Variants in RALYL observed in about 807,000 individuals in gnomAD.
The protein encoded by RALYL is RALY RNA binding protein like.
A neutral mutation model predicts 35.1 loss-of-function variants in RALYL; 29 were observed. That is an observed-to-expected ratio of 0.83 (90% CI 0.61 to 1.13). The LOEUF (loss-of-function observed/expected upper bound fraction) is 1.13. Ranked by LOEUF, RALYL falls within the 50% of genes most tolerant of loss-of-function variation. The pLI is 0.00. For synonymous variants in RALYL, 120 were observed against 127.6 expected, an observed-to-expected ratio of 0.94 and a Z score of 0.40; for missense variants, 359 against 360.4, an observed-to-expected ratio of 1.00 and a Z score of 0.03.
chr8:84,728,763 T>C (rs1315584391), intron 2 of RALYL, among the ~76,000 whole-genome samples: 1 of 152,138 alleles, frequency 6.6e-6, no homozygotes, highest in African/African-American at 2.4e-5. Context: ...TTTCTCAGGT[T>C]TGTCAAAGAT....
intron 1 of RALYL, among the ~76,000 whole-genome samples, chr8:84,466,648 C>G (rs899333660): frequency 6.6e-6 from 1 of 150,992 alleles, no homozygotes; most frequent in Non-Finnish European, 1.5e-5. Context: ...CAGAATGATG[C>G]TGGCCTCATA....
intron 1 of RALYL, among the ~76,000 whole-genome samples, chr8:84,197,554 C>G (rs1209459902): frequency 6.6e-6 from 1 of 152,052 alleles, no homozygotes; most frequent in Non-Finnish European, 1.5e-5. Flanking sequence ...AGGTGTTGTC[C>G]TCCAAACCAT....
rs556645091 is a variant in RALYL at position 84,756,093 on chromosome 8, G to T, written c.257-18486G>T. Among the ~76,000 whole-genome samples the T allele has an allele frequency of 1.6e-3, 248 of 152,064 alleles. 4 individuals are homozygous for T. In the South Asian group the frequency reaches 0.029, roughly 18 times the overall value. On this transcript the variant is annotated intron_variant, in intron 2 of 8. Transcript: ENST00000521268. ...AGATTAGTAATATATCCATAAAGTA[G>T]CAGGGTCATACATTGTCTGTACCAA... is the stretch of plus-strand genomic sequence containing the variant.
At chr8:84,607,102 A>G (rs1168650946) in intron 2 of RALYL, among the ~76,000 whole-genome samples, 1 of 152,084 alleles carries the variant, frequency 6.6e-6, no homozygotes, top group Non-Finnish European at 1.5e-5. Flanking sequence ...TTTTAACTCA[A>G]TAAAACCCAA....
chr8:84,558,534 G>T (rs962577047), intron 2 of RALYL, among the ~76,000 whole-genome samples: 8 of 151,978 alleles, frequency 5.3e-5, no homozygotes, highest in African/African-American at 1.9e-4. Flanking sequence ...AAATTGTTGT[G>T]GAATGATAGT....
At chr8:84,542,404 A>AAT (rs1287448552) in intron 2 of RALYL, among the ~76,000 whole-genome samples, 1 of 152,114 alleles carries the variant, frequency 6.6e-6, no homozygotes, top group East Asian at 1.9e-4. Context: ...TAACCACAAT[A>AAT]TTATTATCTG....
At chr8:84,352,211 G>A (rs996262706) in intron 1 of RALYL, among the ~76,000 whole-genome samples, 2 of 149,958 alleles carry the variant, frequency 1.3e-5, no homozygotes, top group Admixed American at 6.6e-5. Flanking sequence ...TAAATCCATT[G>A]CTAAATCCAG....
chr8:84,913,995 C>A (rs1848008519), intron 8 of RALYL, among the ~76,000 whole-genome samples: 1 of 151,914 alleles, frequency 6.6e-6, no homozygotes, highest in African/African-American at 2.4e-5. Context: ...AATTGTTAAA[C>A]AACCGTGACA....
At chr8:84,848,435 G>GTGTA (rs1554620880) in intron 4 of RALYL, among the ~76,000 whole-genome samples, 1 of 119,532 alleles carries the variant, frequency 8.4e-6, no homozygotes, top group Non-Finnish European at 2.0e-5. Flanking sequence ...ATGTGTGTGT[G>GTGTA]TGTATATATA....
chr8:84,201,205 A>G (rs538660922), intron 1 of RALYL, among the ~76,000 whole-genome samples: 85 of 151,502 alleles, frequency 5.6e-4, no homozygotes, highest in African/African-American at 2.1e-3. Flanking sequence ...GTAAAATAAC[A>G]TGAATAGAAA....
At chr8:84,191,767 T>C (rs1163270090) in intron 1 of RALYL, among the ~76,000 whole-genome samples, 1 of 152,066 alleles carries the variant, frequency 6.6e-6, no homozygotes, top group African/African-American at 2.4e-5. Context: ...TAAATAAATA[T>C]ATAAAAAAGA....
At chr8:84,208,590 G>A (rs1288737930) in intron 1 of RALYL, among the ~76,000 whole-genome samples, 2 of 152,108 alleles carry the variant, frequency 1.3e-5, no homozygotes, top group African/African-American at 4.8e-5. Context: ...TGGCAGGCAG[G>A]TGACCTGCCT....
intron 1 of RALYL, among the ~76,000 whole-genome samples, chr8:84,427,206 A>G (rs564843766): frequency 3.9e-5 from 6 of 152,340 alleles, no homozygotes; most frequent in South Asian, 2.1e-4. Context: ...CCTTGCCACA[A>G]TGGCATGTAC....
chr8:84,361,656 G>T (rs771256732), intron 1 of RALYL, among the ~76,000 whole-genome samples: 2 of 152,124 alleles, frequency 1.3e-5, no homozygotes, highest in African/African-American at 2.4e-5. Flanking sequence ...AGGTCAAGCT[G>T]AGTCATACAC....
rs966042899 is a variant in RALYL, at chr8:84,219,559, C to T, written c.-24+35135C>T. On this transcript the variant is annotated intron_variant, in intron 1 of 8. Coordinates refer to ENST00000521268, the MANE Select transcript of RALYL (RefSeq NM_173848.7). ...CCACTTGCCTTTTTCACTCACACTT[C>T]GTATTAAGTGTAACTTAAAAATAAA... 6.6e-5 allele frequency among the ~76,000 whole-genome samples: 10 copies of T among 151,072 alleles called. No individual in the cohort carries two copies. The East Asian group carries it at 7.7e-4, about 12-fold the overall frequency.
chr8:84,718,358 G>C (rs1030631996), intron 2 of RALYL, among the ~76,000 whole-genome samples: 8 of 152,016 alleles, frequency 5.3e-5, no homozygotes, highest in African/African-American at 1.9e-4. Context: ...TTCTGGGTCA[G>C]TTTCATTATT....
intron 1 of RALYL, among the ~76,000 whole-genome samples, chr8:84,488,464 T>C (rs1280486410): frequency 1.3e-5 from 2 of 152,058 alleles, no homozygotes; most frequent in Non-Finnish European, 2.9e-5. Flanking sequence ...TGTTGCTCCA[T>C]GTTCTGCTGT....
chr8:84,243,247 A>G (rs1263049094), intron 1 of RALYL, among the ~76,000 whole-genome samples: 1 of 152,038 alleles, frequency 6.6e-6, no homozygotes, highest in Non-Finnish European at 1.5e-5. Flanking sequence ...GTTGGGTAGC[A>G]TGATGCCTCC....
intron 1 of RALYL, among the ~76,000 whole-genome samples, chr8:84,398,377 C>G (rs2042554180): frequency 6.6e-6 from 1 of 151,796 alleles, no homozygotes; most frequent in Non-Finnish European, 1.5e-5. Flanking sequence ...AACCACAAAA[C>G]AGTTTTAGAC....
Sources: allele counts gnomAD v4.1 joint callset (sites outside exome capture counted in the v4.1 genomes callset), GRCh38; gene constraint gnomAD v4.1.1; transcripts MANE v1.5; gene names NCBI Gene and HGNC (gene_info 2026-07-23, HGNC 2026-07-21).